Variants in LIMCH1 observed in about 807,000 individuals in gnomAD.
LIMCH1 encodes LIM and calponin homology domains 1.
LIMCH1 carries 113 observed loss-of-function variants against 176.5 expected under a neutral mutation model. That is an observed-to-expected ratio of 0.64 (90% CI 0.55 to 0.75). LIMCH1 has a LOEUF of 0.75. Among genes scored for constraint, LIMCH1 ranks in the 30% least tolerant of loss-of-function variants. The pLI, the probability that LIMCH1 is intolerant of heterozygous loss-of-function variation, is 0.00. For missense variants in LIMCH1, 1,674 were observed against 1,814.9 expected (o/e 0.92, Z 1.41); for synonymous variants, 619 against 645.9 (o/e 0.96, Z 0.63).
At position 41,376,474 on chromosome 4, in the gene LIMCH1, A is replaced by T. The variant is rs1468125520; in HGVS notation, c.96+15538A>T. Among the ~76,000 whole-genome samples, 3 of 152,042 alleles carry T rather than the reference A, an allele frequency of 2.0e-5. No individual in the cohort carries two copies. In the South Asian group the frequency reaches 6.2e-4, roughly 32 times the overall value. ...GGATAGCTTTGATAAACTATATGAA[A>T]TTTTTTCCCTCCTGAATGCTTTGTG... On this transcript the variant is annotated intron_variant, in intron 1 of 26. Transcript: ENST00000313860.
intron 1 of LIMCH1, among the ~76,000 whole-genome samples, chr4:41,559,988 G>A (rs1013484455): frequency 6.6e-6 from 1 of 152,052 alleles, no homozygotes; most frequent in Non-Finnish European, 1.5e-5. Context: ...TCTTTCCAGG[G>A]CTTATTTCCA....
intron 3 of LIMCH1, among the ~76,000 whole-genome samples, chr4:41,605,190 C>A (rs533753854): frequency 1.3e-5 from 2 of 152,212 alleles, no homozygotes; most frequent in African/African-American, 2.4e-5. Context: ...TAGCTTCAGA[C>A]CATTGAATAC....
At chr4:41,649,089 C>A (rs1331170832) in intron 17 of LIMCH1, among the ~76,000 whole-genome samples, 1 of 152,106 alleles carries the variant, frequency 6.6e-6, no homozygotes, top group Non-Finnish European at 1.5e-5. Context: ...TCCATTATTT[C>A]TTTTAAAAGA....
chr4:41,428,246 C>T (rs1023709898), intron 1 of LIMCH1, among the ~76,000 whole-genome samples: 1 of 152,148 alleles, frequency 6.6e-6, no homozygotes. Context: ...AATCATCTGC[C>T]TCTTACTAGC....
chr4:41,544,572 C>T (rs774982523), intron 1 of LIMCH1, among the ~76,000 whole-genome samples: 15 of 152,116 alleles, frequency 9.9e-5, no homozygotes, highest in Non-Finnish European at 2.1e-4. Context: ...TACCTAGTTA[C>T]CTGGTTTTCT....
At chr4:41,490,673 A>G (rs2070659180) in intron 1 of LIMCH1, among the ~76,000 whole-genome samples, 1 of 152,198 alleles carries the variant, frequency 6.6e-6, no homozygotes, top group African/African-American at 2.4e-5. Flanking sequence ...TCCTATGTCT[A>G]CTTCTTCCTA....
At chr4:41,372,164 G>C (rs1051206368) in intron 1 of LIMCH1, among the ~76,000 whole-genome samples, 6 of 152,058 alleles carry the variant, frequency 3.9e-5, no homozygotes, top group Non-Finnish European at 8.8e-5. Flanking sequence ...CAGCAGTCTC[G>C]GTCTTTCCTC....
At chr4:41,495,090 T>C (rs1303825139) in intron 2 of LIMCH1, among the ~76,000 whole-genome samples, 2 of 152,232 alleles carry the variant, frequency 1.3e-5, no homozygotes, top group Admixed American at 6.5e-5. Flanking sequence ...GTTGGCAAAA[T>C]TTAAATGTGA....
chr4:41,658,672 C>T (rs1440723817), intron 18 of LIMCH1, among the ~76,000 whole-genome samples: 2 of 152,192 alleles, frequency 1.3e-5, no homozygotes, highest in East Asian at 1.9e-4. Context: ...AAAAGTGCAT[C>T]ATATTTAACA....
At position 41,629,576 on chromosome 4, in the gene LIMCH1, C is replaced by G; in HGVS notation, c.1113C>G (p.Leu371=). The G allele has an allele frequency of 6.5e-7, 1 of 1,536,072 alleles. No individual in the cohort carries two copies. The highest frequency in any genetic ancestry group is 1.2e-5 in the South Asian group (1 of 84,058). Residue 371 remains leucine (L), a synonymous_variant, in exon 9 of 32, where the codon CTC becomes CTG. Transcript: ENST00000503057. ...AAAGTGAACCTGTGGAAGGAGGACTCAGGAAGGTGCCAGATCTTCACAAGG... is the reference window on the plus strand; with the variant it reads ...AAAGTGAACCTGTGGAAGGAGGACTGAGGAAGGTGCCAGATCTTCACAAGG... ...AQESEPVEGG[L]RKVPDLHKDD...
intron 1 of LIMCH1, among the ~76,000 whole-genome samples, chr4:41,577,403 C>A (rs542870282): frequency 1.3e-5 from 2 of 152,158 alleles, no homozygotes; most frequent in Non-Finnish European, 2.9e-5. Flanking sequence ...AGTGCTTATT[C>A]CGAATAGTTC....
At chr4:41,544,458 G>A (rs181721024) in intron 1 of LIMCH1, among the ~76,000 whole-genome samples, 2 of 152,292 alleles carry the variant, frequency 1.3e-5, no homozygotes, top group East Asian at 3.9e-4. Context: ...CTGTCGAGGG[G>A]AGCAGTTGAG....
At chr4:41,687,259 C>A (rs1721572540) in intron 28 of LIMCH1, among the ~76,000 whole-genome samples, 1 of 152,190 alleles carries the variant, frequency 6.6e-6, no homozygotes, top group South Asian at 2.1e-4. Flanking sequence ...TAGCTTCTAG[C>A]TGGGGGCTAT....
At chr4:41,509,443 A>G (rs1411527265) in intron 2 of LIMCH1, among the ~76,000 whole-genome samples, 1 of 152,224 alleles carries the variant, frequency 6.6e-6, no homozygotes, top group African/African-American at 2.4e-5. Flanking sequence ...TTTTGGCCTT[A>G]GCAGACTGGG....
chr4:41,374,064 CT>C (rs1217230260), intron 1 of LIMCH1, among the ~76,000 whole-genome samples: 4 of 152,082 alleles, frequency 2.6e-5, no homozygotes, highest in Non-Finnish European at 5.9e-5. Flanking sequence ...CCAATTAAAC[CT>C]TTTTTCTTTA....
chr4:41,462,196 G>A (rs941073505), intron 1 of LIMCH1, among the ~76,000 whole-genome samples: 6 of 152,166 alleles, frequency 3.9e-5, no homozygotes, highest in African/African-American at 1.2e-4. Context: ...TTGGGAGGGG[G>A]CAGTATGTTT....
intron 30 of LIMCH1, among the ~76,000 whole-genome samples, chr4:41,691,722 C>A (rs995184438): frequency 6.6e-6 from 1 of 152,014 alleles, no homozygotes; most frequent in Admixed American, 6.6e-5. Flanking sequence ...GAGATCATGC[C>A]ATTGCACTCC....
chr4:41,620,830 C>T lies in LIMCH1; in HGVS notation c.725+140C>T, dbSNP rs527366189. 6.1e-5 allele frequency: 60 copies of T among 982,818 alleles called. 1 individual carries two copies. Among genetic ancestry groups the T allele is most frequent in the East Asian group, 2.9e-4 (11 of 37,850 alleles). 60.9% of individuals were successfully genotyped at this position (982,818 alleles called of 1,614,324 possible). Reference sequence around the variant, plus strand: ...GCATCACTGTTCCCTGCTCTGAGCACGTAGATGATAGTCTTTGCCTTAAGG... The same window carrying T: ...GCATCACTGTTCCCTGCTCTGAGCATGTAGATGATAGTCTTTGCCTTAAGG... On this transcript the variant is annotated intron_variant, in intron 7 of 31. Transcript: ENST00000503057.
intron 18 of LIMCH1, among the ~76,000 whole-genome samples, chr4:41,659,762 A>G (rs1041292468): frequency 1.3e-5 from 2 of 152,152 alleles, no homozygotes; most frequent in African/African-American, 4.8e-5. Flanking sequence ...AAAAAATGCA[A>G]TAGTCATTAA....
Sources: allele counts gnomAD v4.1 joint callset (sites outside exome capture counted in the v4.1 genomes callset), GRCh38; gene constraint gnomAD v4.1.1; transcripts MANE v1.5; gene names NCBI Gene and HGNC (gene_info 2026-07-23, HGNC 2026-07-21).